Variants in TBX15 observed in about 807,000 individuals in gnomAD.
TBX15 encodes T-box transcription factor 15.
TBX15 carries 18 observed loss-of-function variants against 53.9 expected under a neutral mutation model. That is an observed-to-expected ratio of 0.33 (90% CI 0.23 to 0.49). The LOEUF is 0.49. Ranked by LOEUF, TBX15 falls within the 20% of genes least tolerant of loss-of-function variation. The pLI is 0.98. For missense variants in TBX15, 692 were observed against 749.5 expected (o/e 0.92, Z 0.90); for synonymous variants, 295 against 278.0 (o/e 1.06, Z -0.61).
At chr1:118,898,240 A>T (rs1261022277) in intron 7 of TBX15, among the ~76,000 whole-genome samples, 1 of 152,140 alleles carries the variant, frequency 6.6e-6, no homozygotes, top group African/African-American at 2.4e-5. Context: ...CTCATCTTAA[A>T]ACCTGACAGA....
chr1:118,954,549 G>C (rs1396738556), intron 1 of TBX15, among the ~76,000 whole-genome samples: 1 of 152,188 alleles, frequency 6.6e-6, no homozygotes, highest in South Asian at 2.1e-4. Context: ...ACTTGGCCAA[G>C]GAAGAGATCC....
intron 7 of TBX15, among the ~76,000 whole-genome samples, 197 bp from the exon 8 acceptor site, chr1:118,885,713 T>A (rs545721611): frequency 4.0e-5 from 6 of 149,556 alleles, no homozygotes; most frequent in East Asian, 3.9e-4. Context: ...ATACAGTCTC[T>A]CACACACACA....
chr1:118,940,737 T>TA lies in TBX15; in HGVS notation c.206-8906dup, dbSNP rs200090629. Reference sequence around the variant, plus strand: ...AGCATATCAGAAAAACAAAAAAAAATAAATAAAGGACAAATATGGGCCCCG... The same window carrying TA: ...AGCATATCAGAAAAACAAAAAAAAATAAAATAAAGGACAAATATGGGCCCCG... On this transcript the variant is annotated intron_variant, in intron 1 of 7. Transcript: ENST00000369429. 4.5e-3 allele frequency among the ~76,000 whole-genome samples: 636 copies of TA among 141,300 alleles called. 7 individuals are homozygous for TA. The highest frequency in any genetic ancestry group is 0.018 in the Middle Eastern group (5 of 276). The allele number at this position is 141,300 out of a possible 152,430, so 92.7% of individuals were successfully genotyped here.
At chr1:118,954,748 T>C (rs897459801) in intron 1 of TBX15, among the ~76,000 whole-genome samples, 1 of 152,234 alleles carries the variant, frequency 6.6e-6, no homozygotes, top group Non-Finnish European at 1.5e-5. Context: ...TTTCTGGGAT[T>C]AATAACTCAA....
chr1:118,972,790 A>T (rs1443821296), intron 1 of TBX15, among the ~76,000 whole-genome samples: 1 of 151,918 alleles, frequency 6.6e-6, no homozygotes, highest in Non-Finnish European at 1.5e-5. Flanking sequence ...AGTAGAGATG[A>T]GATTTCACCA....
At chr1:118,976,676 C>T (rs1182201749) in intron 1 of TBX15, among the ~76,000 whole-genome samples, 2 of 152,178 alleles carry the variant, frequency 1.3e-5, no homozygotes, top group Non-Finnish European at 2.9e-5. Flanking sequence ...CTACTCCCCA[C>T]CCCTTCCCCA....
At chr1:118,903,402 A>C (rs1351838273) in intron 6 of TBX15, among the ~76,000 whole-genome samples, 1 of 152,168 alleles carries the variant, frequency 6.6e-6, no homozygotes, top group Non-Finnish European at 1.5e-5. Context: ...AAGTTCAGCA[A>C]ATATTTGATA....
chr1:118,933,408 T>C (rs1402898300), intron 1 of TBX15, among the ~76,000 whole-genome samples: 1 of 151,816 alleles, frequency 6.6e-6, no homozygotes, highest in Non-Finnish European at 1.5e-5. Context: ...CCATAATCAC[T>C]ACATGAAGAT....
chr1:118,891,949 C>A (rs902910917), intron 7 of TBX15, among the ~76,000 whole-genome samples: 17 of 152,070 alleles, frequency 1.1e-4, no homozygotes, highest in Non-Finnish European at 1.0e-4. Flanking sequence ...ATCCCTAATT[C>A]TATAGGTAAT....
intron 5 of TBX15, 47 bp downstream of exon 5, chr1:118,923,389 G>C: frequency 6.2e-7 from 1 of 1,610,866 alleles, no homozygotes; most frequent in Middle Eastern, 1.7e-4. Flanking sequence ...TATGCAGAAG[G>C]ACCAAAAAAC....
chr1:118,969,464 A>T (rs1280716641), intron 1 of TBX15, among the ~76,000 whole-genome samples: 2 of 152,222 alleles, frequency 1.3e-5, no homozygotes. Context: ...TATCCTCAGA[A>T]AGCAGTTCAG....
At chr1:118,899,214 A>C in intron 6 of TBX15, 89 bp from the exon 7 acceptor site, 1 of 1,204,814 alleles carries the variant, frequency 8.3e-7, no homozygotes, top group Non-Finnish European at 1.2e-6. Flanking sequence ...ACTGTCAAAC[A>C]GGTAATAAAA....
chr1:118,922,047 G>C lies in TBX15; in HGVS notation c.861+1389C>G, dbSNP rs768707411. On this transcript the variant is annotated intron_variant, in intron 5 of 7. Coordinates refer to ENST00000369429, the MANE Select transcript of TBX15 (RefSeq NM_001330677.2). Reference sequence around the variant, plus strand: ...TGGGGGAAAGACCCGAGGTTATTTTGTATTACTAGAAGGTACTGTATTATA... The same window carrying C: ...TGGGGGAAAGACCCGAGGTTATTTTCTATTACTAGAAGGTACTGTATTATA... Among the ~76,000 whole-genome samples the C allele has an allele frequency of 2.0e-5, 3 of 152,302 alleles. No homozygotes were observed. In the East Asian group the frequency reaches 5.8e-4, roughly 29 times the overall value.
chr1:118,986,158 A>G (rs1310810302), intron 1 of TBX15, among the ~76,000 whole-genome samples: 1 of 152,192 alleles, frequency 6.6e-6, no homozygotes, highest in Non-Finnish European at 1.5e-5. Context: ...AGAACTTCTA[A>G]CTGTATGAAG....
intron 1 of TBX15, among the ~76,000 whole-genome samples, chr1:118,975,263 A>G (rs1162767595): frequency 6.6e-6 from 1 of 152,208 alleles, no homozygotes; most frequent in Non-Finnish European, 1.5e-5. Context: ...GGCTTAGAAA[A>G]CAACCCTATA....
At chr1:118,985,923 A>G (rs1044415449) in intron 1 of TBX15, among the ~76,000 whole-genome samples, 17 of 152,166 alleles carry the variant, frequency 1.1e-4, no homozygotes, top group Non-Finnish European at 2.4e-4. Context: ...CAGGCTAAGG[A>G]GAACGGCAGA....
chr1:118,924,848 G>A, intron 3 of TBX15, 31 bp from the exon 4 acceptor site: 2 of 1,613,600 alleles, frequency 1.2e-6, no homozygotes, highest in African/African-American at 1.3e-5. Context: ...GGAAAATTCA[G>A]AGACAGAGGC....
At chr1:118,969,587 A>G (rs1657165917) in intron 1 of TBX15, among the ~76,000 whole-genome samples, 1 of 152,196 alleles carries the variant, frequency 6.6e-6, no homozygotes, top group East Asian at 1.9e-4. Context: ...GTCCTGGGTC[A>G]GACTCCCTTT....
rs61730013 is a variant in TBX15 at position 118,926,512 on chromosome 1, G to A, written c.519C>T (p.Tyr173=). The change falls in exon 3 of 8, where the codon TAC becomes TAT. Residue 173 remains tyrosine, a splice_region_variant and synonymous_variant. Coordinates refer to ENST00000369429, the MANE Select transcript of TBX15 (RefSeq NM_001330677.2). ...CCACATCCCAGAGTTATTGTTACCT[G>A]TATCTTTTATTGTCCACAGGCACAA... ...MDIVPVDNKR[Y]RYVYHSSKWM... is the part of the protein sequence containing the mutation. The A allele has an allele frequency of 2.8e-3, 4,537 of 1,612,472 alleles. 118 individuals carry two copies. The African/African-American group carries it at 0.052, about 18-fold the overall frequency.
Sources: allele counts gnomAD v4.1 joint callset (sites outside exome capture counted in the v4.1 genomes callset), GRCh38; gene constraint gnomAD v4.1.1; transcripts MANE v1.5; gene names NCBI Gene and HGNC (gene_info 2026-07-23, HGNC 2026-07-21).